The following ITGA10 variants were observed in gnomAD, a reference collection of about 807,000 sequenced individuals.
ITGA10 encodes the protein integrin subunit alpha 10.
In ITGA10, 105 loss-of-function variants were observed where a neutral mutation model predicts 145.2. That is an observed-to-expected ratio of 0.72 (90% CI 0.62 to 0.85). The LOEUF (loss-of-function observed/expected upper bound fraction) is 0.85. Among genes scored for constraint, ITGA10 ranks in the 40% least tolerant of loss-of-function variants. ITGA10 has a pLI of 0.00. For synonymous variants in ITGA10, 506 were observed against 557.8 expected, an observed-to-expected ratio of 0.91 and a Z score of 1.31; for missense variants, 1,317 against 1,444.5, an observed-to-expected ratio of 0.91 and a Z score of 1.43.
intron 28 of ITGA10, 50 bp from the exon 29 acceptor site, chr1:145,893,324 G>A (rs781805828): frequency 2.1e-5 from 28 of 1,308,092 alleles, no homozygotes; most frequent in Non-Finnish European, 2.7e-5. Flanking sequence ...AACCCAGCTA[G>A]CCTCACCCCA....
In ITGA10 at chr1:145,902,495, T is replaced by A; in HGVS notation, c.1034A>T (p.Asp345Val). ...FNVTDEAALT[D>V]IVDALGDRIF... ...CCGATCTCCTAGTGCATCCACAATG[T>A]CAGTCAGAGCAGCCTCATCTGTGAC... Residue 345 changes from aspartate to valine, a missense_variant, in exon 9 of 30, where the codon GAC (aspartate) becomes GTC (valine). Asp to Val is a radical substitution (Grantham distance 152, BLOSUM62 -3). Transcript: ENST00000369304. 6.2e-7 allele frequency: 1 copy of A among 1,613,396 alleles called. No homozygotes were observed. The highest frequency in any genetic ancestry group is 8.5e-7 in the Non-Finnish European group (1 of 1,179,690).
In ITGA10 at chr1:145,901,226, C is replaced by G; in HGVS notation, c.1496G>C (p.Gly499Ala). 6.2e-7 allele frequency: 1 copy of G among 1,614,042 alleles called. No individual in the cohort carries two copies. The highest frequency in any genetic ancestry group is 8.5e-7 in the Non-Finnish European group (1 of 1,180,004). ...AGCCACAAGTAAGACATCAGTTGTT[C>G]CATCCCTATCTGTATCCAATGGGCA... is the stretch of plus-strand genomic sequence containing the variant. Reference protein sequence around the residue: ...ELCPLDTDRDGTTDVLLVAAP... With the variant: ...ELCPLDTDRDATTDVLLVAAP... The change falls in exon 13 of 30, where the codon GGA becomes GCA. Residue 499 changes from glycine (G) to alanine (A), a missense_variant. Gly to Ala is a moderately conservative substitution (Grantham distance 60). Transcript: ENST00000369304. This position sits in a 1 kb window ranked among gnomAD's most constrained non-coding sequence, Gnocchi z 4.3.
intron 19 of ITGA10, 57 bp downstream of exon 19, chr1:145,897,757 GA>G: frequency 1.2e-6 from 2 of 1,609,996 alleles, no homozygotes; most frequent in Non-Finnish European, 1.7e-6. Context: ...CCCGCCCTTC[GA>G]GTCCCTTCCA....
At chr1:145,907,216 A>G in intron 2 of ITGA10, 66 bp from the exon 3 acceptor site, 1 of 1,570,636 alleles carries the variant, frequency 6.4e-7, no homozygotes, top group Non-Finnish European at 8.6e-7. Context: ...GGCCAAAGGG[A>G]AAGAGCATGG....
chr1:145,900,098 G>A lies in ITGA10; in HGVS notation c.1881C>T (p.Val627=), dbSNP rs1553747446. Residue 627 remains valine, a synonymous_variant, in exon 15 of 30, where the codon GTC becomes GTT. Transcript: ENST00000369304. ...GRLDLDGDDL[V]DVAVGAQGAA... is the part of the protein sequence containing the mutation. The stretch of plus-strand genomic sequence containing the variant: ...CCCCCTGGGCACCCACAGCCACATC[G>A]ACCAGATCATCTCCATCCAGATCTA... The A allele has an allele frequency of 7.4e-6, 12 of 1,613,284 alleles. No individual in the cohort carries two copies. Among genetic ancestry groups the A allele is most frequent in the South Asian group, 1.1e-5 (1 of 90,936 alleles).
intron 5 of ITGA10, among the ~76,000 whole-genome samples, chr1:145,905,443 C>T (rs999405684): frequency 6.6e-6 from 1 of 152,044 alleles, no homozygotes; most frequent in Admixed American, 6.5e-5. Flanking sequence ...CGACACCCGG[C>T]TAATTTTTTG....
At position 145,902,242 on chromosome 1, in the gene ITGA10, CA is replaced by C. The variant is rs782341534; in HGVS notation, c.1149+3del. ...GAAGTAATGAAGGGGTCAATCTGTC[CA>C]ACCTTTAGCCGATGAGTGGAGAAAC... On this transcript the variant is annotated splice_donor_region_variant and intron_variant, in intron 10 of 29. Transcript: ENST00000369304. 1.2e-6 allele frequency: 2 copies of C among 1,613,976 alleles called. No homozygotes were observed. The highest frequency in any genetic ancestry group is 2.2e-5 in the East Asian group (1 of 44,880).
rs587621535 is a variant in ITGA10, at chr1:145,901,327, G to A, written c.1444-49C>T. On this transcript the variant is annotated intron_variant, in intron 12 of 29. Coordinates refer to ENST00000369304, the MANE Select transcript of ITGA10 (RefSeq NM_003637.5). This position sits in a 1 kb window ranked among gnomAD's most constrained non-coding sequence, Gnocchi z 4.3. ...ACCCCAGAGAAAAGGGAAGGTAACT[G>A]TAGACAAGTGGACTCAGTGGGAAGC... 1.9e-6 allele frequency: 3 copies of A among 1,604,218 alleles called. No homozygotes were observed. In the South Asian group the frequency reaches 3.3e-5, roughly 18 times the overall value.
chr1:145,894,333 A>C (rs1214640633), intron 27 of ITGA10, among the ~76,000 whole-genome samples: 4 of 151,966 alleles, frequency 2.6e-5, no homozygotes, highest in Admixed American at 6.6e-5. Flanking sequence ...GATGGTCTCG[A>C]TCTCCTGATC....
chr1:145,897,390 G>A (rs1352247802), intron 20 of ITGA10, 51 bp from the exon 21 acceptor site: 2 of 1,601,560 alleles, frequency 1.2e-6, no homozygotes, highest in Admixed American at 1.7e-5. Flanking sequence ...TGCAACTGCT[G>A]TCCTACCCAC....
intron 17 of ITGA10, among the ~76,000 whole-genome samples, chr1:145,898,547 T>G (rs1271196972): frequency 6.6e-6 from 1 of 151,878 alleles, no homozygotes; most frequent in Non-Finnish European, 1.5e-5. Flanking sequence ...TTTTTGTATT[T>G]TTAGTACAGA....
chr1:145,898,969 A>T lies in ITGA10; in HGVS notation c.2199T>A (p.Asn733Lys), dbSNP rs1553746520. The T allele has an allele frequency of 6.2e-7, 1 of 1,614,132 alleles. No homozygotes were observed. The highest frequency in any genetic ancestry group is 1.1e-5 in the South Asian group (1 of 91,072). ...SPRRLRLSVG[N>K]VTCEQLHFHV... ...GGAAGTGTAGCTGCTCACAAGTGAC[A>T]TTCCCCACACTGAGCCGGAGCCTCC... is the stretch of plus-strand genomic sequence containing the variant. Residue 733 changes from asparagine (N) to lysine (K), a missense_variant, in exon 17 of 30, where the codon AAT becomes AAA. Transcript: ENST00000369304.
Position 145,892,505 on chromosome 1 carries a change from A to G in ITGA10, c.*293T>C, listed in dbSNP as rs1248228944. 1 of 317,338 alleles carries G rather than the reference A, an allele frequency of 3.2e-6. No homozygotes were observed. The highest frequency in any genetic ancestry group is 2.1e-5 in the African/African-American group (1 of 46,728). The allele number at this position is 317,338 out of a possible 1,614,324, so 19.7% of individuals were successfully genotyped here. A position where few individuals can be genotyped will look rare whatever the true frequency, so the allele number is the denominator to read the frequency against. On this transcript the variant is annotated 3_prime_UTR_variant, in exon 30 of 30. Transcript: ENST00000369304. ...GCAAAAAAATTATTGATTCCTGGGGATAAAAGGACCCCAAACAAAAGCCCC... is the reference window on the plus strand; with the variant it reads ...GCAAAAAAATTATTGATTCCTGGGGGTAAAAGGACCCCAAACAAAAGCCCC...
At position 145,892,569 on chromosome 1, in the gene ITGA10, A is replaced by G. The variant is rs1267377823; in HGVS notation, c.*229T>C. ...GAACCAGGATCACGAGGAGGAGGGAAGCAGAGGGTGGGAGCATGGCTAGTT... is the reference window on the plus strand; with the variant it reads ...GAACCAGGATCACGAGGAGGAGGGAGGCAGAGGGTGGGAGCATGGCTAGTT... On this transcript the variant is annotated 3_prime_UTR_variant, in exon 30 of 30. Transcript: ENST00000369304. The G allele has an allele frequency of 7.0e-6, 3 of 429,352 alleles. No individual in the cohort carries two copies. Among genetic ancestry groups the G allele is most frequent in the African/African-American group, 6.0e-5 (3 of 49,622 alleles). The allele number at this position is 429,352 out of a possible 1,614,324, so 26.6% of individuals were successfully genotyped here.
At chr1:145,897,458 A>G in intron 20 of ITGA10, 54 bp downstream of exon 20, 1 of 1,606,872 alleles carries the variant, frequency 6.2e-7, no homozygotes, top group Non-Finnish European at 8.5e-7. Flanking sequence ...CAATACCCCA[A>G]TCTTCTTCCT....
rs201963226 is a variant in ITGA10 at position 145,901,303 on chromosome 1, C to A, written c.1444-25G>T. The A allele has an allele frequency of 2.5e-6, 4 of 1,612,880 alleles. No individual in the cohort carries two copies. Among genetic ancestry groups the A allele is most frequent in the Admixed American group, 1.7e-5 (1 of 59,970 alleles). On this transcript the variant is annotated intron_variant, in intron 12 of 29. Coordinates refer to ENST00000369304, the MANE Select transcript of ITGA10 (RefSeq NM_003637.5). The surrounding 1 kb of genome is among the most constrained non-coding windows in gnomAD (Gnocchi z 4.3). ...TCTGGGGAATGGTGGGTGATGATGA[C>A]CCCAGAGAAAAGGGAAGGTAACTGT...
At chr1:145,902,185 G>A in intron 10 of ITGA10, 61 bp downstream of exon 10, 1 of 1,584,038 alleles carries the variant, frequency 6.3e-7, no homozygotes, top group Non-Finnish European at 8.7e-7. Flanking sequence ...GGAGGGCCCT[G>A]TGGTTGAAGT....
intron 7 of ITGA10, among the ~76,000 whole-genome samples, chr1:145,903,842 A>G (rs995815067): frequency 5.3e-5 from 8 of 151,884 alleles, no homozygotes; most frequent in African/African-American, 1.5e-4. Context: ...GGCATGCGCC[A>G]CCATGCCTGG....
chr1:145,902,150 T>G (rs1570888720), intron 10 of ITGA10, 96 bp downstream of exon 10: 1 of 1,562,648 alleles, frequency 6.4e-7, no homozygotes, highest in African/African-American at 1.4e-5. Context: ...AAGGTGAGCA[T>G]GGAGGCTGGT....
Sources: allele counts gnomAD v4.1 joint callset (sites outside exome capture counted in the v4.1 genomes callset), GRCh38; gene constraint gnomAD v4.1.1; non-coding constraint Gnocchi (gnomAD v3.1); transcripts MANE v1.5; gene names NCBI Gene and HGNC (gene_info 2026-07-23, HGNC 2026-07-21).